Variants in CCT5 observed in about 807,000 individuals in gnomAD.
CCT5 encodes the protein T-complex protein 1 subunit epsilon.
Under a neutral mutation model 55.0 loss-of-function variants are expected in CCT5, and 6 were observed. The ratio of observed to expected loss-of-function variants is 0.11; its 90% CI spans 0.06 to 0.22. The LOEUF is 0.22. CCT5 is among the 10% of genes least tolerant of loss of function. CCT5 has a pLI of 1.00. For missense variants in CCT5, 560 were observed against 694.6 expected, an observed-to-expected ratio of 0.81 and a Z score of 2.18; for synonymous variants, 231 against 243.7, an observed-to-expected ratio of 0.95 and a Z score of 0.49.
rs745962863 is a variant in CCT5 at position 10,250,314 on chromosome 5, G to A, written c.-27G>A. Reference sequence around the variant, plus strand: ...CTTCCGTAGCGGTCTCCGCCGGTTGGGGGGAAGTAATTCCGGTTGTTGCAC... The same window carrying A: ...CTTCCGTAGCGGTCTCCGCCGGTTGAGGGGAAGTAATTCCGGTTGTTGCAC... On this transcript the variant is annotated 5_prime_UTR_variant, in exon 1 of 11. Coordinates refer to ENST00000280326, the MANE Select transcript of CCT5 (RefSeq NM_012073.5). The A allele has an allele frequency of 2.5e-6, 4 of 1,613,820 alleles. No homozygotes were observed. Among genetic ancestry groups the A allele is most frequent in the Admixed American group, 1.7e-5 (1 of 60,012 alleles).
chr5:10,264,672 T>C lies in CCT5; in HGVS notation c.1515T>C (p.His505=), dbSNP rs935649573. The part of the protein sequence containing the change: ...HKGTNDMKQQ[H]VIETLIGKKQ... ...ATTTTTCAGATATGAAGCAACAGCA[T>C]GTCATAGAAACCTTGATTGGCAAAA... The change falls in exon 11 of 11, where the codon CAT becomes CAC. Residue 505 remains histidine (H), a synonymous_variant. Transcript: ENST00000280326. The C allele has an allele frequency of 6.2e-7, 1 of 1,612,148 alleles. No homozygotes were observed. The highest frequency in any genetic ancestry group is 1.3e-5 in the African/African-American group (1 of 74,890).
Position 10,264,731 on chromosome 5 carries a change from G to A in CCT5, c.1574G>A (p.Arg525Lys). ...QQISLATQMVRMILKIDDIRK... is the reference protein window; with the variant it reads ...QQISLATQMVKMILKIDDIRK... The stretch of plus-strand genomic sequence containing the variant: ...ATATCTCTTGCAACACAAATGGTTA[G>A]AATGATTTTGAAGATTGATGACATT... The change falls in exon 11 of 11, where the codon AGA becomes AAA. Residue 525 changes from arginine to lysine, a missense_variant. This residue lies in a region of CCT5 where 115 missense variants were observed against 105.0 expected (regional missense o/e 1.10). Transcript: ENST00000280326. 1.2e-6 allele frequency: 2 copies of A among 1,613,746 alleles called. No homozygotes were observed. Among genetic ancestry groups the A allele is most frequent in the African/African-American group, 2.7e-5 (2 of 75,046 alleles).
At chr5:10,260,658 C>G in intron 6 of CCT5, 134 bp from the exon 7 acceptor site, 1 of 901,744 alleles carries the variant, frequency 1.1e-6, no homozygotes, top group Non-Finnish European at 1.8e-6. Context: ...CTATTTCCTT[C>G]CTTCTCTTTC....
At chr5:10,261,429 T>C in intron 7 of CCT5, 131 bp from the exon 8 acceptor site, 2 of 826,504 alleles carry the variant, frequency 2.4e-6, no homozygotes, top group Non-Finnish European at 4.1e-6. Flanking sequence ...TGGAGATGTC[T>C]CGGTCAAAGT....
At chr5:10,261,539 C>G (rs1415906141) in intron 7 of CCT5, 21 bp from the exon 8 acceptor site, 2 of 1,612,968 alleles carry the variant, frequency 1.2e-6, no homozygotes, top group Non-Finnish European at 1.7e-6. Flanking sequence ...CTTCATCCTT[C>G]TCCCTGACCA....
upstream of CCT5, chr5:10,249,991 G>A (rs1325380478): frequency 2.0e-5 from 30 of 1,472,744 alleles, no homozygotes; most frequent in Non-Finnish European, 2.7e-5. Flanking sequence ...TAAAGAAATA[G>A]TGCTTTAAGT....
intron 1 of CCT5, chr5:10,250,766 C>T: frequency 5.8e-6 from 7 of 1,212,732 alleles, no homozygotes; most frequent in Non-Finnish European, 7.2e-6. Flanking sequence ...CTGACGGCCG[C>T]GTGGGACTGC....
upstream of CCT5, chr5:10,249,932 AAACC>A (rs1745274580): frequency 5.2e-3 from 2,944 of 562,936 alleles, 27 homozygotes; most frequent in Non-Finnish European, 6.2e-3. Context: ...AAAAAAAAAA[AAACC>A]GGAAATGGGT....
intron 1 of CCT5, among the ~76,000 whole-genome samples, chr5:10,253,130 A>T (rs191587402): frequency 0.013 from 1,908 of 152,320 alleles, 23 homozygotes; most frequent in Non-Finnish European, 0.018. Context: ...GTTAAAGACC[A>T]GCCTGGCCAA....
rs1040498196 is a variant in CCT5, at chr5:10,265,959, CAT to C, written c.*1177_*1178del. 7.2e-5 allele frequency: 11 copies of C among 152,206 alleles called. No individual in the cohort carries two copies. The highest frequency in any genetic ancestry group is 2.2e-4 in the African/African-American group (9 of 41,440). The allele number at this position is 152,206 out of a possible 1,614,324, so 9.4% of individuals were successfully genotyped here. On this transcript the variant is annotated 3_prime_UTR_variant, in exon 11 of 11. Transcript: ENST00000280326. ...AAGTGATGAATTTGGGTTACCGTCTCATGTGAACCTGGAGATTCACCAGTCTT... is the reference window on the plus strand; with the variant it reads ...AAGTGATGAATTTGGGTTACCGTCTCGTGAACCTGGAGATTCACCAGTCTT...
chr5:10,251,003 G>A, intron 1 of CCT5: 1 of 395,714 alleles, frequency 2.5e-6, no homozygotes, highest in Non-Finnish European at 3.5e-6. Context: ...ACAAGGTGGT[G>A]TGCAGTGAGA....
intron 1 of CCT5, chr5:10,250,870 C>A: frequency 2.9e-6 from 3 of 1,044,960 alleles, no homozygotes; most frequent in Non-Finnish European, 3.5e-6. Flanking sequence ...AACGGCCCTT[C>A]CGTTTTCTTT....
chr5:10,263,283 TG>T lies in CCT5; in HGVS notation c.1469del (p.Gly490AlafsTer12). ...AGGTGAAGGAGATGAACCCTGCTCT[TG>T]GCATCGACTGTTTGCACAAGGGGAC... The part of the protein sequence containing the change: ...RQVKEMNPAL[G>X]IDCLHKGTND... On this transcript the variant is annotated frameshift_variant, in exon 10 of 11. Coordinates refer to ENST00000280326, the MANE Select transcript of CCT5 (RefSeq NM_012073.5). LOFTEE classifies it high-confidence loss of function. 1 of 1,613,576 alleles carries T rather than the reference TG, an allele frequency of 6.2e-7. No homozygotes were observed. Among genetic ancestry groups the T allele is most frequent in the Non-Finnish European group, 8.5e-7 (1 of 1,179,860 alleles).
intron 3 of CCT5, among the ~76,000 whole-genome samples, chr5:10,255,613 T>C (rs561271389): frequency 6.6e-6 from 1 of 152,166 alleles, no homozygotes; most frequent in Admixed American, 6.5e-5. Flanking sequence ...CGTTTTAGTC[T>C]CATCACCAGG....
chr5:10,254,676 C>A lies in CCT5; in HGVS notation c.169C>A (p.Leu57Ile), dbSNP rs768096968. 6 of 1,613,622 alleles carry A rather than the reference C, an allele frequency of 3.7e-6. No homozygotes were observed. Among genetic ancestry groups the A allele is most frequent in the Non-Finnish European group, 5.1e-6 (6 of 1,179,774 alleles). ...GCCTACTAAACGTTGTTTTTTAGGG[C>A]TTGATAAGATGATGGTGGATAAGGA... ...TMRTSLGPNG[L>I]DKMMVDKDGD... is the part of the protein sequence containing the mutation. Residue 57 changes from leucine (L) to isoleucine (I), a missense_variant and splice_region_variant, in exon 3 of 11, where the codon CTT becomes ATT. Around this residue, in one of 4 missense-constraint regions of CCT5, gnomAD observed 137 missense variants for 181.9 expected, o/e 0.75. Transcript: ENST00000280326.
chr5:10,258,047 G>T, intron 4 of CCT5, 64 bp from the exon 5 acceptor site: 2 of 1,489,590 alleles, frequency 1.3e-6, no homozygotes, highest in Non-Finnish European at 1.9e-6. Context: ...ATTGTGTTAT[G>T]TGGCCTGCTT....
At chr5:10,256,850 T>C (rs1745708704) in intron 4 of CCT5, among the ~76,000 whole-genome samples, 1 of 152,192 alleles carries the variant, frequency 6.6e-6, no homozygotes, top group Admixed American at 6.5e-5. Flanking sequence ...AAGAGAGTCT[T>C]GAAAGCGACT....
At chr5:10,253,203 G>A (rs1338404477) in intron 1 of CCT5, among the ~76,000 whole-genome samples, 2 of 152,070 alleles carry the variant, frequency 1.3e-5, no homozygotes, top group East Asian at 1.9e-4. Flanking sequence ...CATGGCGCGT[G>A]CCTGTAATCC....
rs1483069811 is a variant in CCT5 at position 10,250,466 on chromosome 5, T to C, written c.105+21T>C. 3.1e-6 allele frequency: 5 copies of C among 1,611,560 alleles called. No homozygotes were observed. The Admixed American group carries it at 5.0e-5, about 16-fold the overall frequency. ...TCAAGGTAATGGCACAGGGACCTGC[T>C]CGCGGTGGGCTAAGGGGAGGTGGCC... On this transcript the variant is annotated intron_variant, in intron 1 of 10. Coordinates refer to ENST00000280326, the MANE Select transcript of CCT5 (RefSeq NM_012073.5).
Sources: allele counts gnomAD v4.1 joint callset (sites outside exome capture counted in the v4.1 genomes callset), GRCh38; gene constraint gnomAD v4.1.1; regional missense constraint gnomAD v4.1.1; transcripts MANE v1.5; gene names NCBI Gene and HGNC (gene_info 2026-07-23, HGNC 2026-07-21).